The following ALK variants were observed in gnomAD, a reference collection of about 807,000 sequenced individuals.
The protein encoded by ALK is ALK tyrosine kinase receptor.
ALK carries 74 observed loss-of-function variants against 163.1 expected under a neutral mutation model. That is an observed-to-expected ratio of 0.45 (90% CI 0.38 to 0.55). The LOEUF (loss-of-function observed/expected upper bound fraction) is 0.55, where lower values mean the gene tolerates loss of function less well. Ranked by LOEUF, ALK falls within the 20% of genes least tolerant of loss-of-function variation. The pLI, the probability that ALK is intolerant of heterozygous loss-of-function variation, is 0.00. For missense variants in ALK, 2,063 were observed against 2,105.3 expected, an observed-to-expected ratio of 0.98 and a Z score of 0.39; for synonymous variants, 960 against 843.2, an observed-to-expected ratio of 1.14 and a Z score of -2.40.
chr2:29,193,346 T>A lies in ALK; in HGVS notation c.4741A>T (p.Asn1581Tyr), dbSNP rs1213759986. ...TGTTGCTGGTAGCCGTAATTGACAT[T>A]CCCACAAGGGAAGTGACGTAGCCTG... is the stretch of plus-strand genomic sequence containing the variant. ...LFRLRHFPCG[N>Y]VNYGYQQQGL... The change falls in exon 29 of 29, where the codon AAT becomes TAT. Residue 1581 changes from asparagine (N) to tyrosine (Y), a missense_variant. This residue lies in a region of ALK where 403 missense variants were observed against 366.2 expected (regional missense o/e 1.10). Transcript: ENST00000389048. 6.2e-7 allele frequency: 1 copy of A among 1,614,166 alleles called. No homozygotes were observed. The highest frequency in any genetic ancestry group is 8.5e-7 in the Non-Finnish European group (1 of 1,180,026).
chr2:29,830,991 GAA>G lies in ALK; in HGVS notation c.667+89000_667+89001del, dbSNP rs1249442890. ...AGAAGAAGAAGAAGAAGAAGAAGAA[GAA>G]GAAGAAGAAGAAGAAGAAGGGGAAG... On this transcript the variant is annotated intron_variant, in intron 1 of 28. Coordinates refer to ENST00000389048, the MANE Select transcript of ALK (RefSeq NM_004304.5). 2.1e-3 allele frequency among the ~76,000 whole-genome samples: 111 copies of G among 53,788 alleles called. 3 individuals are homozygous for G. The highest frequency in any genetic ancestry group is 4.5e-3 in the African/African-American group (79 of 17,618). 35.3% of individuals were successfully genotyped at this position (53,788 alleles called of 152,430 possible).
chr2:29,339,558 T>C (rs1285490396), intron 5 of ALK, among the ~76,000 whole-genome samples: 1 of 152,038 alleles, frequency 6.6e-6, no homozygotes, highest in African/African-American at 2.4e-5. Flanking sequence ...AAAATCTAAG[T>C]CTTTAGAAAG....
At chr2:29,698,639 T>G (rs1678642329) in intron 2 of ALK, among the ~76,000 whole-genome samples, 1 of 152,180 alleles carries the variant, frequency 6.6e-6, no homozygotes, top group African/African-American at 2.4e-5. Context: ...AGACAGACAG[T>G]GCAATATACA....
chr2:29,247,155 C>G (rs559141693), intron 12 of ALK, among the ~76,000 whole-genome samples: 1 of 149,992 alleles, frequency 6.7e-6, no homozygotes, highest in African/African-American at 2.5e-5. Context: ...CCCCGGCCTC[C>G]GCGGCAGCGC....
At chr2:29,565,746 C>G (rs1674163815) in intron 3 of ALK, among the ~76,000 whole-genome samples, 1 of 152,182 alleles carries the variant, frequency 6.6e-6, no homozygotes, top group Non-Finnish European at 1.5e-5. Flanking sequence ...CAGCAGCCAT[C>G]TAATAGCACC....
intron 1 of ALK, among the ~76,000 whole-genome samples, chr2:29,851,102 T>G (rs1244867536): frequency 1.3e-5 from 2 of 152,236 alleles, no homozygotes; most frequent in Non-Finnish European, 2.9e-5. Flanking sequence ...CCCCAATAGT[T>G]GCATTGTGCC....
chr2:29,302,129 C>T (rs77604779), intron 8 of ALK, among the ~76,000 whole-genome samples: 2,497 of 152,274 alleles, frequency 0.016, 65 homozygotes, highest in African/African-American at 0.057. Context: ...ACAAGATAAT[C>T]GAGGCAAGAC....
intron 2 of ALK, among the ~76,000 whole-genome samples, chr2:29,696,759 T>G (rs1194032977): frequency 1.3e-5 from 2 of 151,970 alleles, no homozygotes; most frequent in Admixed American, 1.3e-4. Context: ...GATCTGCACC[T>G]GCGTGTCTGA....
chr2:29,623,141 A>G (rs1676083068), intron 3 of ALK, among the ~76,000 whole-genome samples: 1 of 152,244 alleles, frequency 6.6e-6, no homozygotes, highest in Non-Finnish European at 1.5e-5. Context: ...AGGTTCTTGG[A>G]AAGCCATTGG....
intron 3 of ALK, among the ~76,000 whole-genome samples, chr2:29,577,516 G>A (rs1674557477): frequency 6.6e-6 from 1 of 152,148 alleles, no homozygotes; most frequent in African/African-American, 2.4e-5. Context: ...GATGGGACCG[G>A]TAAGTCTACA....
chr2:29,352,467 C>T (rs543159297), intron 5 of ALK, among the ~76,000 whole-genome samples: 4 of 152,242 alleles, frequency 2.6e-5, no homozygotes, highest in Admixed American at 6.5e-5. Context: ...TACATCACGC[C>T]CAGAATGTTC....
chr2:29,409,656 G>T (rs1436630025), intron 4 of ALK, among the ~76,000 whole-genome samples: 1 of 152,100 alleles, frequency 6.6e-6, no homozygotes, highest in Non-Finnish European at 1.5e-5. Context: ...TGAGCCAGTG[G>T]CTCCCGTCAA....
At chr2:29,322,806 C>G (rs1299033646) in intron 6 of ALK, among the ~76,000 whole-genome samples, 1 of 152,182 alleles carries the variant, frequency 6.6e-6, no homozygotes, top group Non-Finnish European at 1.5e-5. Context: ...TGCACTCCAG[C>G]CTGGGCGACA....
intron 3 of ALK, among the ~76,000 whole-genome samples, chr2:29,588,468 C>T (rs866195510): frequency 6.6e-5 from 10 of 152,028 alleles, no homozygotes; most frequent in South Asian, 2.1e-4. Flanking sequence ...TGACATCAAG[C>T]GATCCACCCT....
chr2:29,896,831 G>A (rs1271268840), intron 1 of ALK, among the ~76,000 whole-genome samples: 1 of 152,098 alleles, frequency 6.6e-6, no homozygotes, highest in Admixed American at 6.5e-5. Context: ...GCTCAGCTTG[G>A]GTTTTTCATT....
chr2:29,704,932 G>C (rs1401690190), intron 2 of ALK, among the ~76,000 whole-genome samples: 1 of 151,960 alleles, frequency 6.6e-6, no homozygotes, highest in Non-Finnish European at 1.5e-5. Flanking sequence ...TCACACTAAT[G>C]ATTTTGATAA....
intron 1 of ALK, among the ~76,000 whole-genome samples, chr2:29,765,092 G>C (rs1029378101): frequency 6.6e-6 from 1 of 152,032 alleles, no homozygotes; most frequent in Non-Finnish European, 1.5e-5. Context: ...GTTTCCTGAG[G>C]CCTCCCCAGA....
rs1035402110 is a variant in ALK at position 29,920,014 on chromosome 2, G to C, written c.646C>G (p.Leu216Val). 6.2e-7 allele frequency: 1 copy of C among 1,614,040 alleles called. No individual in the cohort carries two copies. The highest frequency in any genetic ancestry group is 1.7e-5 in the Admixed American group (1 of 60,036). Residue 216 changes from leucine (L) to valine (V), a missense_variant, in exon 1 of 29, where the codon CTC becomes GTC. Leu to Val is a conservative substitution (Grantham distance 32). Coordinates refer to ENST00000389048, the MANE Select transcript of ALK (RefSeq NM_004304.5). ...AAIRASQPRL[L>V]FQIFGTGHSS... is the part of the protein sequence containing the mutation. ...TCACCAGTCCCGAAGATCTGGAAGA[G>C]AAGGCGGGGCTGGGAGGCGCGAATT...
rs2148143628 is a variant in ALK, at chr2:29,197,664, C to T, written c.3951G>A (p.Val1317=). The change falls in exon 27 of 29, where the codon GTG becomes GTA. Residue 1317 remains valine, a synonymous_variant. Transcript: ENST00000389048. ...CAAGAGAAAAGATTTCCCATAGCAG[C>T]ACTCCAAAGGACCTGGGCATGGGAC... ...TSKTDTWSFG[V]LLWEIFSLGY... The T allele has an allele frequency of 6.2e-7, 1 of 1,613,926 alleles. No individual in the cohort carries two copies. The highest frequency in any genetic ancestry group is 2.2e-5 in the East Asian group (1 of 44,872).
Sources: allele counts gnomAD v4.1 joint callset (sites outside exome capture counted in the v4.1 genomes callset), GRCh38; gene constraint gnomAD v4.1.1; regional missense constraint gnomAD v4.1.1; transcripts MANE v1.5; gene names NCBI Gene and HGNC (gene_info 2026-07-23, HGNC 2026-07-21).